COL24A1: variants seen among roughly 807,000 people sequenced by gnomAD.
COL24A1 encodes collagen alpha-1(XXIV) chain.
Under a neutral mutation model 253.9 loss-of-function variants are expected in COL24A1, and 224 were observed. The ratio of observed to expected loss-of-function variants is 0.88; its 90% CI spans 0.79 to 0.99. The LOEUF (loss-of-function observed/expected upper bound fraction) is 0.99. COL24A1 is among the 50% of genes least tolerant of loss of function. The pLI, the probability that COL24A1 is intolerant of heterozygous loss-of-function variation, is 0.00. For synonymous variants in COL24A1, 685 were observed against 673.7 expected, an observed-to-expected ratio of 1.02 and a Z score of -0.26; for missense variants, 2,131 against 2,068.5, an observed-to-expected ratio of 1.03 and a Z score of -0.59.
intron 31 of COL24A1, 33 bp downstream of exon 31, chr1:85,895,825 A>C (rs1390961942): frequency 1.3e-6 from 2 of 1,581,768 alleles, no homozygotes; most frequent in Non-Finnish European, 1.7e-6. Flanking sequence ...GCAGATAAAA[A>C]TTTTTCATAG....
At chr1:86,072,837 G>T (rs1701969915) in intron 7 of COL24A1, among the ~76,000 whole-genome samples, 1 of 152,142 alleles carries the variant, frequency 6.6e-6, no homozygotes, top group African/African-American at 2.4e-5. Context: ...TGATACCCAG[G>T]CAAACAGGGT....
At chr1:85,829,074 T>C (rs1674814142) in intron 43 of COL24A1, among the ~76,000 whole-genome samples, 1 of 151,870 alleles carries the variant, frequency 6.6e-6, no homozygotes, top group Non-Finnish European at 1.5e-5. Context: ...GTTGTTCCTT[T>C]CCATGTTTAG....
rs149788823 is a variant in COL24A1 at position 86,118,394 on chromosome 1, C to G, written c.1492-3016G>C. 5.5e-4 allele frequency among the ~76,000 whole-genome samples: 84 copies of G among 152,158 alleles called. No homozygotes were observed. The East Asian group carries it at 8.1e-3, about 15-fold the overall frequency. ...ACTTTTTTAAGGTATGCATAAGGCA[C>G]AGCAATCACTGAGTAAATGTTAGAT... On this transcript the variant is annotated intron_variant, in intron 3 of 59. Transcript: ENST00000370571.
chr1:85,759,128 C>T (rs533103225), intron 55 of COL24A1, among the ~76,000 whole-genome samples: 1 of 152,256 alleles, frequency 6.6e-6, no homozygotes, highest in Admixed American at 6.5e-5. Context: ...GAGAGGACCT[C>T]TAGTTCTATG....
At chr1:85,867,277 C>T (rs1286648138) in intron 37 of COL24A1, among the ~76,000 whole-genome samples, 1 of 152,206 alleles carries the variant, frequency 6.6e-6, no homozygotes, top group East Asian at 1.9e-4. Context: ...ACTACTTTGT[C>T]TTCCAGCCTG....
At chr1:85,855,738 T>A (rs1178902247) in intron 37 of COL24A1, among the ~76,000 whole-genome samples, 1 of 152,216 alleles carries the variant, frequency 6.6e-6, no homozygotes, top group African/African-American at 2.4e-5. Context: ...GAATCCCTCC[T>A]ATTCAATTTT....
At chr1:86,051,683 T>G (rs1282964610) in intron 10 of COL24A1, among the ~76,000 whole-genome samples, 2 of 152,120 alleles carry the variant, frequency 1.3e-5, no homozygotes, top group Non-Finnish European at 2.9e-5. Flanking sequence ...AGTTTTCATA[T>G]AATCATATTT....
rs149551523 is a variant in COL24A1, at chr1:85,905,211, G to A, written c.2778+1983C>T. ...AAATAGTGCCCTCCTCAGCCTTTGGGGTGGCAAGGAAAAGCCAGACACAGG... is the reference window on the plus strand; with the variant it reads ...AAATAGTGCCCTCCTCAGCCTTTGGAGTGGCAAGGAAAAGCCAGACACAGG... On this transcript the variant is annotated intron_variant, in intron 28 of 59. Transcript: ENST00000370571. 1.9e-4 allele frequency among the ~76,000 whole-genome samples: 29 copies of A among 152,162 alleles called. No homozygotes were observed. The East Asian group carries it at 5.4e-3, about 28-fold the overall frequency.
rs1232309975 is a variant in COL24A1 at position 86,142,548 on chromosome 1, C to CA, written c.121+3570dup. Among the ~76,000 whole-genome samples the CA allele has an allele frequency of 3.5e-3, 509 of 145,116 alleles. 2 individuals carry two copies. The highest frequency in any genetic ancestry group is 0.01 in the African/African-American group (406 of 39,882). On this transcript the variant is annotated intron_variant, in intron 2 of 59. Coordinates refer to ENST00000370571, the MANE Select transcript of COL24A1 (RefSeq NM_152890.7). The stretch of plus-strand genomic sequence containing the variant: ...AAAAAAAAAAACAAAAAACAAAAAA[C>CA]AAAAAAAACAATTTAAACACAGAAG...
At chr1:86,082,651 T>TTTATATAAATATATAACATATA (rs1702736544) in intron 7 of COL24A1, among the ~76,000 whole-genome samples, 1 of 148,014 alleles carries the variant, frequency 6.8e-6, no homozygotes, top group Admixed American at 6.8e-5. Context: ...ATAACATATA[T>TTTATATAAATATATAACATATA]TTATATATAC....
chr1:85,827,723 T>C (rs1674576160), intron 43 of COL24A1, among the ~76,000 whole-genome samples: 1 of 151,928 alleles, frequency 6.6e-6, no homozygotes, highest in South Asian at 2.1e-4. Context: ...GAGGTGTTTG[T>C]AGTATTCTCT....
chr1:85,876,990 TTA>T, intron 33 of COL24A1, 130 bp downstream of exon 33: 1 of 558,380 alleles, frequency 1.8e-6, no homozygotes, highest in African/African-American at 2.0e-5. Context: ...TAATGGAATT[TTA>T]GTTTTTTTCT....
intron 21 of COL24A1, 136 bp downstream of exon 21, chr1:85,971,204 G>C: frequency 2.8e-6 from 2 of 720,960 alleles, no homozygotes; most frequent in Non-Finnish European, 4.8e-6. Context: ...CCAAGACTCT[G>C]TCTAAATATA....
At chr1:85,797,016 T>C (rs1450534815) in intron 47 of COL24A1, among the ~76,000 whole-genome samples, 2 of 150,044 alleles carry the variant, frequency 1.3e-5, no homozygotes, top group African/African-American at 2.5e-5. Context: ...CTGGGTAACA[T>C]GGTGAAACCC....
Position 85,730,352 on chromosome 1 carries a change from T to A in COL24A1, c.*194A>T, listed in dbSNP as rs943041782. 1 of 457,634 alleles carries A rather than the reference T, an allele frequency of 2.2e-6. No individual in the cohort carries two copies. Among genetic ancestry groups the A allele is most frequent in the Admixed American group, 3.7e-5 (1 of 27,000 alleles). 28.3% of individuals were successfully genotyped at this position (457,634 alleles called of 1,614,324 possible). ...GAATATAATTTTTAAAAGAATTAAATACTTTATCAATCATAGTCCTTTAAA... is the reference window on the plus strand; with the variant it reads ...GAATATAATTTTTAAAAGAATTAAAAACTTTATCAATCATAGTCCTTTAAA... On this transcript the variant is annotated 3_prime_UTR_variant, in exon 60 of 60. Transcript: ENST00000370571.
chr1:86,045,848 C>T (rs775063147), intron 12 of COL24A1: 8 of 438,530 alleles, frequency 1.8e-5, no homozygotes, highest in African/African-American at 6.1e-5. Context: ...TTTGGCCAGA[C>T]GTCATGAAGA....
At chr1:85,748,911 A>C (rs1665613416) in intron 55 of COL24A1, among the ~76,000 whole-genome samples, 1 of 13,890 alleles carries the variant, frequency 7.2e-5, no homozygotes, top group African/African-American at 1.4e-4. Context: ...GATTGCTAGC[A>C]CAGCAGTCTG....
At chr1:85,776,948 T>C (rs1668604145) in intron 52 of COL24A1, among the ~76,000 whole-genome samples, 1 of 151,026 alleles carries the variant, frequency 6.6e-6, no homozygotes, top group Non-Finnish European at 1.5e-5. Flanking sequence ...TATTTATTTA[T>C]TTACTTATTT....
intron 21 of COL24A1, among the ~76,000 whole-genome samples, chr1:85,970,871 A>G (rs1467591645): frequency 1.3e-5 from 2 of 152,204 alleles, no homozygotes; most frequent in Admixed American, 1.3e-4. Flanking sequence ...TGAATTCAGA[A>G]CACTGTAAAA....
Sources: allele counts gnomAD v4.1 joint callset (sites outside exome capture counted in the v4.1 genomes callset), GRCh38; gene constraint gnomAD v4.1.1; transcripts MANE v1.5; gene names NCBI Gene and HGNC (gene_info 2026-07-23, HGNC 2026-07-21).